SULF2: variants seen among roughly 807,000 people sequenced by gnomAD.
The protein encoded by SULF2 is sulfatase 2.
A neutral mutation model predicts 107.7 loss-of-function variants in SULF2; 52 were observed. The ratio of observed to expected loss-of-function variants is 0.48; its 90% CI spans 0.39 to 0.61. SULF2 has a LOEUF of 0.61. Ranked by LOEUF, SULF2 falls within the 20% of genes least tolerant of loss-of-function variation. The pLI is 0.00. For missense variants in SULF2, 993 were observed against 1,177.3 expected, an observed-to-expected ratio of 0.84 and a Z score of 2.29; for synonymous variants, 460 against 464.3, an observed-to-expected ratio of 0.99 and a Z score of 0.12.
In SULF2 at chr20:47,709,820, GAAGAGATAGAGAGATAC is replaced by G. The variant is rs1448673636; in HGVS notation, c.416-7167_416-7151del. 3.3e-5 allele frequency among the ~76,000 whole-genome samples: 5 copies of G among 151,914 alleles called. No individual in the cohort carries two copies. The East Asian group carries it at 5.8e-4, about 18-fold the overall frequency. Reference sequence around the variant, plus strand: ...TGGGAAAGATAGAGACAGAGAGACAGAAGAGATAGAGAGATACAAGAGATAGAGAGATAGAGAGATGC... The same window carrying G: ...TGGGAAAGATAGAGACAGAGAGACAGAAGAGATAGAGAGATAGAGAGATGC... On this transcript the variant is annotated intron_variant, in intron 3 of 20. Coordinates refer to ENST00000688720, the MANE Select transcript of SULF2 (RefSeq NM_001387048.1).
chr20:47,715,644 C>T (rs961370758), intron 3 of SULF2, among the ~76,000 whole-genome samples: 3 of 151,380 alleles, frequency 2.0e-5, no homozygotes, highest in Non-Finnish European at 2.9e-5. Flanking sequence ...CGCAATGGCA[C>T]GATCTCGGCT....
At chr20:47,728,490 T>TG (rs1290415713) in intron 3 of SULF2, among the ~76,000 whole-genome samples, 3 of 148,716 alleles carry the variant, frequency 2.0e-5, no homozygotes, top group Non-Finnish European at 3.0e-5. Context: ...GTGGAAGAGA[T>TG]GGGGGTGGGC....
intron 3 of SULF2, among the ~76,000 whole-genome samples, chr20:47,733,239 A>T (rs2089655402): frequency 6.6e-6 from 1 of 152,242 alleles, no homozygotes; most frequent in Non-Finnish European, 1.5e-5. Context: ...TATGAGATGC[A>T]CTTCACAGGG....
At chr20:47,663,912 C>A (rs567880908) in intron 15 of SULF2, among the ~76,000 whole-genome samples, 1 of 152,316 alleles carries the variant, frequency 6.6e-6, no homozygotes, top group Admixed American at 6.5e-5. Context: ...GTGTCCTGCC[C>A]TGCTTGGTGG....
At chr20:47,745,793 GT>G (rs1432998340) in intron 2 of SULF2, among the ~76,000 whole-genome samples, 10 of 151,982 alleles carry the variant, frequency 6.6e-5, no homozygotes, top group African/African-American at 2.4e-4. Flanking sequence ...ACCTCCCAAA[GT>G]GCTGGGATTA....
At chr20:47,699,791 C>T (rs1233438056) in intron 4 of SULF2, among the ~76,000 whole-genome samples, 1 of 152,186 alleles carries the variant, frequency 6.6e-6, no homozygotes, top group East Asian at 1.9e-4. Context: ...AAATTTGTGG[C>T]TTCTGTTGAA....
chr20:47,664,622 C>T (rs2087201065), intron 14 of SULF2, among the ~76,000 whole-genome samples: 1 of 152,192 alleles, frequency 6.6e-6, no homozygotes, highest in South Asian at 2.1e-4. Flanking sequence ...CTGTGTTTTG[C>T]AACACTTTCT....
rs747341263 is a variant in SULF2 at position 47,684,521 on chromosome 20, C to T, written c.798G>A (p.Gly266=). The T allele has an allele frequency of 1.2e-6, 2 of 1,614,090 alleles. No homozygotes were observed. The highest frequency in any genetic ancestry group is 1.7e-6 in the Non-Finnish European group (2 of 1,179,960). Residue 266 remains glycine (G), a synonymous_variant, in exon 6 of 21, where the codon GGG becomes GGA. Transcript: ENST00000688720. The part of the protein sequence containing the change: ...PDKHWIMRYT[G]PMKPIHMEFT... ...ATTCCATGTGGATGGGCTTCATGGG[C>T]CCCGTGTAGCGCATGATCCAGTGTT...
intron 1 of SULF2, among the ~76,000 whole-genome samples, chr20:47,781,997 G>C (rs1460289409): frequency 1.3e-5 from 2 of 152,314 alleles, no homozygotes; most frequent in Admixed American, 6.5e-5. Flanking sequence ...AAGACTTTTG[G>C]TTATGAAAAC....
At chr20:47,725,628 G>A (rs2089419647) in intron 3 of SULF2, among the ~76,000 whole-genome samples, 1 of 152,198 alleles carries the variant, frequency 6.6e-6, no homozygotes, top group Admixed American at 6.5e-5. Context: ...CATCCCTCAG[G>A]TGTGTTTGCT....
chr20:47,745,390 AAAAAAAAAAAAAAAAAAAAAATATAT>A (rs1235284121), intron 2 of SULF2, among the ~76,000 whole-genome samples: 6 of 13,588 alleles, frequency 4.4e-4, no homozygotes, highest in African/African-American at 4.0e-3. Context: ...GGGAAAAAAA[AAAAAAAAAAAAAAAAAAAAAATATAT>A]ATATATATAT....
intron 3 of SULF2, among the ~76,000 whole-genome samples, chr20:47,703,967 T>C (rs1190708974): frequency 2.0e-5 from 3 of 152,118 alleles, no homozygotes; most frequent in Non-Finnish European, 4.4e-5. Context: ...GCCAAACTAA[T>C]CTATGATGTT....
intron 3 of SULF2, among the ~76,000 whole-genome samples, chr20:47,728,042 G>A (rs2089491934): frequency 6.6e-6 from 1 of 152,202 alleles, no homozygotes; most frequent in African/African-American, 2.4e-5. Context: ...GATCCCCACA[G>A]TGGGGAAGGC....
chr20:47,666,696 G>A lies in SULF2; in HGVS notation c.1577-208C>T, dbSNP rs765051594. Among the ~76,000 whole-genome samples, 5 of 152,228 alleles carry A rather than the reference G, an allele frequency of 3.3e-5. No individual in the cohort carries two copies. Among genetic ancestry groups the A allele is most frequent in the Non-Finnish European group, 4.4e-5 (3 of 68,040 alleles). ...CTCGAGGTGATCACACCGGCAAGAC[G>A]GAAGTCCTGGAGCCAAGAAGCCACT... On this transcript the variant is annotated intron_variant, in intron 11 of 20. Coordinates refer to ENST00000688720, the MANE Select transcript of SULF2 (RefSeq NM_001387048.1). This position sits in a 1 kb window ranked among gnomAD's most constrained non-coding sequence, Gnocchi z 5.4.
intron 3 of SULF2, among the ~76,000 whole-genome samples, chr20:47,708,113 G>A (rs1568841733): frequency 6.6e-6 from 1 of 152,330 alleles, no homozygotes; most frequent in East Asian, 1.9e-4. Context: ...TCACAGGAGT[G>A]AACAAGACCA....
intron 2 of SULF2, among the ~76,000 whole-genome samples, chr20:47,744,125 G>A (rs1022084720): frequency 6.6e-6 from 1 of 152,092 alleles, no homozygotes; most frequent in Non-Finnish European, 1.5e-5. Context: ...CGGTGGGTGG[G>A]GAGTCAAGGG....
At chr20:47,693,353 C>T (rs2088265677) in intron 4 of SULF2, among the ~76,000 whole-genome samples, 1 of 152,164 alleles carries the variant, frequency 6.6e-6, no homozygotes, top group Admixed American at 6.5e-5. Context: ...CACTTGCTGC[C>T]ACCCGCCAGT....
intron 3 of SULF2, among the ~76,000 whole-genome samples, chr20:47,731,146 C>G (rs1484790698): frequency 6.7e-6 from 1 of 150,120 alleles, no homozygotes; most frequent in Non-Finnish European, 1.5e-5. Flanking sequence ...TACTCGTAAA[C>G]CACAAGATCC....
At chr20:47,715,582 ATT>A (rs11476982) in intron 3 of SULF2, among the ~76,000 whole-genome samples, 230 of 137,340 alleles carry the variant, frequency 1.7e-3, no homozygotes, top group Admixed American at 1.9e-3. Flanking sequence ...GGGAATGTCG[ATT>A]TTTTTTTTTT....
Sources: allele counts gnomAD v4.1 joint callset (sites outside exome capture counted in the v4.1 genomes callset), GRCh38; gene constraint gnomAD v4.1.1; non-coding constraint Gnocchi (gnomAD v3.1); transcripts MANE v1.5; gene names NCBI Gene and HGNC (gene_info 2026-07-23, HGNC 2026-07-21).